Variants in SRGAP3 observed in about 807,000 individuals in gnomAD.
SRGAP3 encodes SLIT-ROBO Rho GTPase-activating protein 3.
In SRGAP3, 39 loss-of-function variants were observed where a neutral mutation model predicts 121.1. The observed-to-expected ratio is 0.32, with a 90% CI of 0.25 to 0.42. SRGAP3 has a LOEUF of 0.42. Among genes scored for constraint, SRGAP3 ranks in the 10% least tolerant of loss-of-function variants. The probability of loss-of-function intolerance (pLI) is 1.00; values close to 1 mark genes in which losing one functional copy is unlikely to be tolerated. For synonymous variants in SRGAP3, 601 were observed against 570.0 expected (o/e 1.05, Z -0.77); for missense variants, 1,213 against 1,470.6 (o/e 0.82, Z 2.86).
intron 3 of SRGAP3, among the ~76,000 whole-genome samples, chr3:9,266,275 G>A (rs1003566871): frequency 4.6e-5 from 7 of 152,046 alleles, no homozygotes; most frequent in African/African-American, 7.2e-5. Flanking sequence ...TAATGTAGAT[G>A]ACAGGTTGAC....
chr3:9,207,070 G>A (rs1203373579), intron 1 of SRGAP3, among the ~76,000 whole-genome samples: 2 of 152,120 alleles, frequency 1.3e-5, no homozygotes, highest in Non-Finnish European at 2.9e-5. Context: ...GGATGGAGGG[G>A]GTTCCTAGGA....
intron 3 of SRGAP3, among the ~76,000 whole-genome samples, chr3:9,280,190 G>A (rs118046202): frequency 1.3e-5 from 2 of 152,178 alleles, no homozygotes; most frequent in African/African-American, 4.8e-5. Flanking sequence ...GACTCATGGC[G>A]ACCAAGCAAA....
chr3:9,336,793 A>G (rs1016157972), intron 1 of SRGAP3, among the ~76,000 whole-genome samples: 58 of 152,328 alleles, frequency 3.8e-4, no homozygotes, highest in African/African-American at 1.4e-3. Context: ...AGAAGACAAC[A>G]GAGAGTATGT....
At chr3:9,219,938 G>A (rs1952754052) in intron 1 of SRGAP3, among the ~76,000 whole-genome samples, 1 of 152,144 alleles carries the variant, frequency 6.6e-6, no homozygotes, top group Non-Finnish European at 1.5e-5. Flanking sequence ...GGCACAAAAA[G>A]ATAAATATTA....
At chr3:9,117,782 C>G (rs745392565) in intron 2 of SRGAP3, among the ~76,000 whole-genome samples, 1 of 152,164 alleles carries the variant, frequency 6.6e-6, no homozygotes, top group African/African-American at 2.4e-5. Flanking sequence ...CAGAGATTTT[C>G]AAACTAGGTC....
chr3:9,357,722 C>T (rs116743269), intron 1 of SRGAP3, among the ~76,000 whole-genome samples: 4,473 of 152,054 alleles, frequency 0.029, 91 homozygotes, highest in Non-Finnish European at 0.047. Flanking sequence ...CTTAAGGATA[C>T]TATTTATTTT....
intron 1 of SRGAP3, among the ~76,000 whole-genome samples, chr3:9,169,844 G>A (rs964365953): frequency 1.3e-5 from 2 of 152,166 alleles, no homozygotes; most frequent in African/African-American, 4.8e-5. Context: ...GATGGGTTAG[G>A]GGGGAAAAGC....
intron 18 of SRGAP3, among the ~76,000 whole-genome samples, chr3:9,003,951 A>C (rs948821705): frequency 6.6e-6 from 1 of 152,212 alleles, no homozygotes; most frequent in Non-Finnish European, 1.5e-5. Flanking sequence ...AGAAGTAAAA[A>C]TATATCTATT....
At chr3:9,161,756 A>G (rs150177434) in intron 1 of SRGAP3, among the ~76,000 whole-genome samples, 7 of 152,340 alleles carry the variant, frequency 4.6e-5, no homozygotes, top group African/African-American at 1.7e-4. Context: ...CCTCATGCAC[A>G]GGGATCTCAC....
intron 3 of SRGAP3, among the ~76,000 whole-genome samples, chr3:9,282,572 C>T (rs948742996): frequency 6.6e-6 from 1 of 151,852 alleles, no homozygotes; most frequent in South Asian, 2.1e-4. Flanking sequence ...CTCACTGCAA[C>T]CTCTGCCTCC....
At chr3:9,042,485 A>G (rs147351780) in intron 10 of SRGAP3, among the ~76,000 whole-genome samples, 1 of 151,542 alleles carries the variant, frequency 6.6e-6, no homozygotes, top group African/African-American at 2.4e-5. Context: ...AAATAAGGAG[A>G]GGAAGAGAGT....
At chr3:9,282,719 T>A (rs1954701806) in intron 3 of SRGAP3, among the ~76,000 whole-genome samples, 1 of 152,190 alleles carries the variant, frequency 6.6e-6, no homozygotes, top group African/African-American at 2.4e-5. Flanking sequence ...TGACCTCAAG[T>A]GATTCGCCCA....
At chr3:9,287,406 AT>A (rs1954794899) in intron 3 of SRGAP3, among the ~76,000 whole-genome samples, 1 of 152,140 alleles carries the variant, frequency 6.6e-6, no homozygotes, top group Non-Finnish European at 1.5e-5. Flanking sequence ...GTTCTCTCAG[AT>A]TTTGCCTGAA....
At chr3:9,273,165 G>T (rs950883424) in intron 3 of SRGAP3, among the ~76,000 whole-genome samples, 1 of 152,190 alleles carries the variant, frequency 6.6e-6, no homozygotes, top group African/African-American at 2.4e-5. Context: ...CACATGTGCA[G>T]TTCACAATAG....
At chr3:9,120,379 C>T (rs1363662057) in intron 2 of SRGAP3, among the ~76,000 whole-genome samples, 2 of 152,208 alleles carry the variant, frequency 1.3e-5, no homozygotes, top group African/African-American at 4.8e-5. Flanking sequence ...GCCTCCTCAG[C>T]CATACCAACT....
chr3:9,184,632 G>A (rs1951538664), intron 1 of SRGAP3, among the ~76,000 whole-genome samples: 1 of 152,168 alleles, frequency 6.6e-6, no homozygotes, highest in Non-Finnish European at 1.5e-5. Context: ...GCCTAGAATG[G>A]GAATTAGGCA....
chr3:9,030,026 C>T (rs565925642), intron 12 of SRGAP3, among the ~76,000 whole-genome samples: 3 of 151,840 alleles, frequency 2.0e-5, no homozygotes, highest in Non-Finnish European at 4.4e-5. Context: ...GTGGTGCATG[C>T]GTATAGCCCC....
At chr3:9,082,445 T>A (rs77498840) in intron 3 of SRGAP3, among the ~76,000 whole-genome samples, 7,587 of 152,288 alleles carry the variant, frequency 0.05, 276 homozygotes, top group Non-Finnish European at 0.078. Context: ...GGAAGCAAGC[T>A]CTCACCAGAC....
At chr3:9,128,578 G>A (rs761904554) in intron 1 of SRGAP3, among the ~76,000 whole-genome samples, 2 of 152,132 alleles carry the variant, frequency 1.3e-5, no homozygotes, top group East Asian at 1.9e-4. Flanking sequence ...TCCTATGACC[G>A]GGCAATTTCA....
Sources: gnomAD v4.1 joint callset for allele counts (sites outside exome capture counted in the v4.1 genomes callset) on GRCh38, gnomAD v4.1.1 for gene constraint, MANE v1.5 for transcripts, NCBI Gene and HGNC (gene_info 2026-07-23, HGNC 2026-07-21) for gene names.